Variants in MMD2 observed in about 807,000 individuals in gnomAD.
MMD2 encodes monocyte to macrophage differentiation factor 2.
In MMD2, 30 loss-of-function variants were observed where a neutral mutation model predicts 33.5. The ratio of observed to expected loss-of-function variants is 0.90; its 90% CI spans 0.67 to 1.22. The LOEUF (loss-of-function observed/expected upper bound fraction) is 1.22, where lower values mean the gene tolerates loss of function less well. Among genes scored for constraint, MMD2 ranks in the 50% most tolerant of loss-of-function variants. The pLI, the probability that MMD2 is intolerant of heterozygous loss-of-function variation, is 0.00. For synonymous variants in MMD2, 129 were observed against 123.0 expected (o/e 1.05, Z -0.32); for missense variants, 364 against 325.4 (o/e 1.12, Z -0.91).
chr7:4,943,893 C>G (rs1785979782), intron 1 of MMD2, among the ~76,000 whole-genome samples: 1 of 151,778 alleles, frequency 6.6e-6, no homozygotes, highest in Non-Finnish European at 1.5e-5. Context: ...CCTCAAACTC[C>G]TGGGCTCAAG....
chr7:4,924,911 G>T (rs1785382053), intron 2 of MMD2, among the ~76,000 whole-genome samples: 1 of 151,994 alleles, frequency 6.6e-6, no homozygotes, highest in Non-Finnish European at 1.5e-5. Flanking sequence ...CTAGGTACTA[G>T]GGAGCCATCG....
intron 2 of MMD2, among the ~76,000 whole-genome samples, chr7:4,921,338 C>T (rs556647687): frequency 6.6e-6 from 1 of 151,794 alleles, no homozygotes; most frequent in South Asian, 2.1e-4. Flanking sequence ...TAGTGGATGG[C>T]GGCCAGGTGC....
At chr7:4,931,875 CATTT>C (rs1408279305) in intron 1 of MMD2, among the ~76,000 whole-genome samples, 1 of 152,116 alleles carries the variant, frequency 6.6e-6, no homozygotes, top group African/African-American at 2.4e-5. Context: ...TCACAGTATT[CATTT>C]AGAGAGACTC....
intron 1 of MMD2, among the ~76,000 whole-genome samples, chr7:4,956,313 C>A (rs1786380844): frequency 6.6e-6 from 1 of 151,824 alleles, no homozygotes; most frequent in Admixed American, 6.6e-5. Context: ...GTAGTCCCAG[C>A]TACTCAGGAG....
At chr7:4,956,803 C>G (rs1054078220) in intron 1 of MMD2, among the ~76,000 whole-genome samples, 1 of 152,116 alleles carries the variant, frequency 6.6e-6, no homozygotes, top group Non-Finnish European at 1.5e-5. Context: ...GAGCTCCTTC[C>G]CTTCATGTCC....
chr7:4,909,664 G>A, intron 6 of MMD2: 1 of 733,958 alleles, frequency 1.4e-6, no homozygotes, highest in Non-Finnish European at 2.4e-6. Flanking sequence ...TCAAATCCCT[G>A]GACTCAAACT....
At chr7:4,924,846 T>C (rs1785380340) in intron 2 of MMD2, among the ~76,000 whole-genome samples, 1 of 152,002 alleles carries the variant, frequency 6.6e-6, no homozygotes, top group Non-Finnish European at 1.5e-5. Flanking sequence ...AGCATGGTGG[T>C]GGGAGGTGCG....
At chr7:4,931,460 CT>C (rs1183044045) in intron 1 of MMD2, among the ~76,000 whole-genome samples, 3 of 150,756 alleles carry the variant, frequency 2.0e-5, no homozygotes, top group Admixed American at 6.6e-5. Context: ...GCCTCTTTAC[CT>C]TTTTCTTTTG....
intron 1 of MMD2, among the ~76,000 whole-genome samples, chr7:4,942,073 C>T (rs1211688443): frequency 6.6e-6 from 1 of 152,012 alleles, no homozygotes; most frequent in Non-Finnish European, 1.5e-5. Flanking sequence ...CCTGCCTCAG[C>T]CTCCCGAGTA....
At chr7:4,893,667 C>G in the MMD2 span, among the ~76,000 whole-genome samples, 5 of 151,714 alleles carry the variant, frequency 3.3e-5, no homozygotes, top group Non-Finnish European at 4.4e-5. Context: ...ACTAGGATTA[C>G]CCATGAGCCA....
chr7:4,896,091 T>A, the MMD2 span, among the ~76,000 whole-genome samples: 1 of 152,178 alleles, frequency 6.6e-6, no homozygotes, highest in Non-Finnish European at 1.5e-5. Context: ...GCGGCAGTTG[T>A]CACCTGTGAT....
At chr7:4,950,877 T>C (rs1786224190) in intron 1 of MMD2, among the ~76,000 whole-genome samples, 1 of 151,864 alleles carries the variant, frequency 6.6e-6, no homozygotes, top group Non-Finnish European at 1.5e-5. Context: ...CCATGTCCAG[T>C]TAATTTTGCA....
At chr7:4,901,944 A>G (rs1784800025), downstream of MMD2, among the ~76,000 whole-genome samples, 1 of 152,174 alleles carries the variant, frequency 6.6e-6, no homozygotes, top group Non-Finnish European at 1.5e-5. Flanking sequence ...AGGTTTTAAA[A>G]CAATTATTCT....
chr7:4,927,866 G>A (rs573613663), intron 1 of MMD2, among the ~76,000 whole-genome samples: 1 of 152,314 alleles, frequency 6.6e-6, no homozygotes, highest in East Asian at 1.9e-4. Flanking sequence ...AGGGCAGGGA[G>A]GTGAGGGAAA....
the MMD2 span, among the ~76,000 whole-genome samples, chr7:4,897,556 G>C: frequency 6.6e-6 from 1 of 152,162 alleles, no homozygotes; most frequent in Non-Finnish European, 1.5e-5. Context: ...TTAAGAAGCA[G>C]CGAGGCCTGC....
At chr7:4,908,622 G>A (rs766423632) in intron 6 of MMD2, among the ~76,000 whole-genome samples, 7 of 151,996 alleles carry the variant, frequency 4.6e-5, no homozygotes, top group Admixed American at 1.3e-4. Flanking sequence ...GCTCAAGGCC[G>A]GGCACGGTGG....
At chr7:4,929,768 C>T (rs2115119670) in intron 1 of MMD2, among the ~76,000 whole-genome samples, 1 of 152,162 alleles carries the variant, frequency 6.6e-6, no homozygotes, top group Admixed American at 6.6e-5. Flanking sequence ...CATGATCTGC[C>T]TGCCTCAGCC....
intron 1 of MMD2, among the ~76,000 whole-genome samples, chr7:4,943,382 A>T (rs1181431724): frequency 6.6e-6 from 1 of 152,054 alleles, no homozygotes; most frequent in Non-Finnish European, 1.5e-5. Context: ...CGACCTCGTG[A>T]TCCACCTGCC....
intron 1 of MMD2, among the ~76,000 whole-genome samples, chr7:4,933,347 G>A (rs1402959084): frequency 2.0e-5 from 3 of 152,138 alleles, no homozygotes; most frequent in Admixed American, 6.5e-5. Context: ...GCATGGGAGA[G>A]CATGATTGTC....
Sources: gnomAD v4.1 joint callset for allele counts (sites outside exome capture counted in the v4.1 genomes callset) on GRCh38, gnomAD v4.1.1 for gene constraint, MANE v1.5 for transcripts, NCBI Gene and HGNC (gene_info 2026-07-23, HGNC 2026-07-21) for gene names.